DLGAP1: variants seen among roughly 807,000 people sequenced by gnomAD.
DLGAP1 encodes disks large-associated protein 1.
A neutral mutation model predicts 90.8 loss-of-function variants in DLGAP1; 11 were observed. That is an observed-to-expected ratio of 0.12 (90% CI 0.08 to 0.20). DLGAP1 has a LOEUF of 0.20. Among genes scored for constraint, DLGAP1 ranks in the 10% least tolerant of loss-of-function variants. DLGAP1 has a pLI of 1.00. For missense variants in DLGAP1, 1,050 were observed against 1,333.8 expected, an observed-to-expected ratio of 0.79 and a Z score of 3.31; for synonymous variants, 558 against 540.7, an observed-to-expected ratio of 1.03 and a Z score of -0.44.
intron 2 of DLGAP1, among the ~76,000 whole-genome samples, chr18:4,149,235 T>C (rs2144383880): frequency 6.6e-6 from 1 of 152,340 alleles, no homozygotes; most frequent in African/African-American, 2.4e-5. Context: ...ACATGGGGAC[T>C]CAGATGCATT....
chr18:3,618,899 A>G lies in DLGAP1; in HGVS notation c.1592-36651T>C, dbSNP rs1381670227. Reference sequence around the variant, plus strand: ...GCTGGCAGTGAGCCGAGATCGTGTCACTGCACTCCAGCCTGGGTGACTGAG... The same window carrying G: ...GCTGGCAGTGAGCCGAGATCGTGTCGCTGCACTCCAGCCTGGGTGACTGAG... On this transcript the variant is annotated intron_variant, in intron 7 of 12. Coordinates refer to ENST00000315677, the MANE Select transcript of DLGAP1 (RefSeq NM_004746.4). Among the ~76,000 whole-genome samples, 3 of 150,794 alleles carry G rather than the reference A, an allele frequency of 2.0e-5. No homozygotes were observed. In the East Asian group the frequency reaches 6.0e-4, roughly 30 times the overall value.
At chr18:4,153,507 C>T (rs2144425166) in intron 1 of DLGAP1, among the ~76,000 whole-genome samples, 1 of 152,288 alleles carries the variant, frequency 6.6e-6, no homozygotes, top group Middle Eastern at 3.4e-3. Flanking sequence ...CCAAGTGTCC[C>T]TCTTTTTAAC....
At chr18:4,318,848 G>T (rs965250137) in intron 1 of DLGAP1, among the ~76,000 whole-genome samples, 2 of 152,142 alleles carry the variant, frequency 1.3e-5, no homozygotes, top group African/African-American at 2.4e-5. Context: ...AGGGCTTCTG[G>T]TTAAGACAAT....
chr18:3,849,083 C>T (rs1477900141), intron 4 of DLGAP1, among the ~76,000 whole-genome samples: 2 of 152,280 alleles, frequency 1.3e-5, no homozygotes, highest in Non-Finnish European at 2.9e-5. Flanking sequence ...AACGCTCTTC[C>T]CTCTACTGGA....
intron 6 of DLGAP1, among the ~76,000 whole-genome samples, chr18:3,738,222 G>A (rs1404914334): frequency 6.7e-6 from 1 of 148,764 alleles, no homozygotes; most frequent in Non-Finnish European, 1.5e-5. Flanking sequence ...CAGATTCAAT[G>A]CCATCCCCAT....
At chr18:4,239,018 C>T (rs974630359) in intron 1 of DLGAP1, among the ~76,000 whole-genome samples, 1 of 152,182 alleles carries the variant, frequency 6.6e-6, no homozygotes, top group Non-Finnish European at 1.5e-5. Context: ...TAGACTTTAT[C>T]ACTGAGTAGG....
At chr18:4,453,634 C>T (rs2083890076) in intron 1 of DLGAP1, among the ~76,000 whole-genome samples, 1 of 152,214 alleles carries the variant, frequency 6.6e-6, no homozygotes, top group African/African-American at 2.4e-5. Flanking sequence ...CAGCATTTCT[C>T]ATCTCCATGT....
intron 7 of DLGAP1, chr18:3,594,540 T>C (rs1371373365): frequency 2.0e-5 from 3 of 152,150 alleles, no homozygotes; most frequent in Admixed American, 6.5e-5. Flanking sequence ...TTCCGAAAAG[T>C]ATGAAGAGTG....
intron 1 of DLGAP1, among the ~76,000 whole-genome samples, chr18:4,269,544 C>A (rs569285650): frequency 4.4e-4 from 67 of 151,638 alleles, no homozygotes; most frequent in Admixed American, 4.3e-3. Flanking sequence ...TTAGTAGAGA[C>A]GGGGTTTCAC....
intron 7 of DLGAP1, among the ~76,000 whole-genome samples, chr18:3,600,843 T>TAG (rs1212976730): frequency 5.3e-5 from 6 of 113,764 alleles, no homozygotes; most frequent in African/African-American, 2.2e-4. Flanking sequence ...TATAGATATA[T>TAG]ATAGATATAT....
At chr18:4,224,447 C>T (rs2078142756) in intron 1 of DLGAP1, among the ~76,000 whole-genome samples, 1 of 152,142 alleles carries the variant, frequency 6.6e-6, no homozygotes, top group South Asian at 2.1e-4. Flanking sequence ...CTAGACCTGC[C>T]CTGGGCCATA....
intron 3 of DLGAP1, among the ~76,000 whole-genome samples, chr18:3,889,125 T>TG (rs1198656592): frequency 6.6e-6 from 1 of 152,068 alleles, no homozygotes; most frequent in Non-Finnish European, 1.5e-5. Flanking sequence ...CAAAAAAAGT[T>TG]GGGAAAAACT....
At chr18:4,234,541 G>T (rs1433206706) in intron 1 of DLGAP1, among the ~76,000 whole-genome samples, 1 of 152,042 alleles carries the variant, frequency 6.6e-6, no homozygotes, top group Non-Finnish European at 1.5e-5. Context: ...TACTTTGAAA[G>T]ATTTCTTTGG....
chr18:3,577,622 T>C (rs79441408), intron 8 of DLGAP1, among the ~76,000 whole-genome samples: 5,405 of 152,152 alleles, frequency 0.036, 141 homozygotes, highest in Middle Eastern at 0.065. Context: ...AGAAGGAGGG[T>C]TCATCAGAAC....
intron 1 of DLGAP1, among the ~76,000 whole-genome samples, chr18:4,426,953 G>A (rs1486489801): frequency 2.6e-5 from 4 of 152,146 alleles, no homozygotes; most frequent in African/African-American, 9.7e-5. Context: ...ATCAACTATT[G>A]AGATATAATT....
chr18:4,031,078 T>C (rs1197964532), intron 2 of DLGAP1, among the ~76,000 whole-genome samples: 2 of 152,106 alleles, frequency 1.3e-5, no homozygotes, highest in African/African-American at 4.8e-5. Context: ...CTCTCAAACA[T>C]GGCGCCATTC....
intron 7 of DLGAP1, among the ~76,000 whole-genome samples, chr18:3,611,954 C>T (rs2057654855): frequency 6.6e-6 from 1 of 152,260 alleles, no homozygotes; most frequent in South Asian, 2.1e-4. Context: ...ATTCCCCTAG[C>T]TTACCATGGT....
chr18:3,591,591 T>C (rs1430504445), intron 7 of DLGAP1, among the ~76,000 whole-genome samples: 1 of 151,592 alleles, frequency 6.6e-6, no homozygotes, highest in African/African-American at 2.4e-5. Context: ...TAGTCCCAGC[T>C]ACTTGGAAGG....
intron 1 of DLGAP1, among the ~76,000 whole-genome samples, chr18:4,393,686 C>T (rs901453652): frequency 2.0e-5 from 3 of 152,198 alleles, no homozygotes; most frequent in Non-Finnish European, 4.4e-5. Context: ...TTTTACTCAC[C>T]TGGAGTCTCC....
Sources: gnomAD v4.1 joint callset for allele counts (sites outside exome capture counted in the v4.1 genomes callset) on GRCh38, gnomAD v4.1.1 for gene constraint, MANE v1.5 for transcripts, NCBI Gene and HGNC (gene_info 2026-07-23, HGNC 2026-07-21) for gene names.